The following CADM2 variants were observed in gnomAD, a reference collection of about 807,000 sequenced individuals.
CADM2 encodes the protein immunoglobulin superfamily member 4D.
Under a neutral mutation model 49.8 loss-of-function variants are expected in CADM2, and 12 were observed. That is an observed-to-expected ratio of 0.24 (90% confidence interval 0.15 to 0.39). The LOEUF is 0.39. Among genes scored for constraint, CADM2 ranks in the 10% least tolerant of loss-of-function variants. The pLI, the probability that CADM2 is intolerant of heterozygous loss-of-function variation, is 1.00. For synonymous variants in CADM2, 214 were observed against 175.4 expected (o/e 1.22, Z -1.74); for missense variants, 378 against 492.3 (o/e 0.77, Z 2.20).
chr3:85,984,412 G>GT (rs1190451347), intron 8 of CADM2, among the ~76,000 whole-genome samples: 1 of 151,182 alleles, frequency 6.6e-6, no homozygotes, highest in Non-Finnish European at 1.5e-5. Flanking sequence ...GTAATCTTTA[G>GT]TAGCATCCTC....
rs375702349 is a variant in CADM2, at chr3:84,984,356, T to TAAAAAAAA, written c.61+24710_61+24717dup. On this transcript the variant is annotated intron_variant, in intron 1 of 9. Transcript: ENST00000383699. ...CCTCATAGCCACCTCAAGATTAAGC[T>TAAAAAAAA]AAAAAAAAAAAAAAAAAAAAAAAAA... Among the ~76,000 whole-genome samples the TAAAAAAAA allele has an allele frequency of 1.2e-3, 82 of 67,056 alleles. 7 individuals are homozygous for TAAAAAAAA. The highest frequency in any genetic ancestry group is 4.7e-3 in the African/African-American group (62 of 13,326). 44.0% of individuals were successfully genotyped at this position (67,056 alleles called of 152,430 possible). A position where few individuals can be genotyped will look rare whatever the true frequency, so the allele number is the denominator to read the frequency against.
chr3:84,996,582 A>T, intron 1 of CADM2, among the ~76,000 whole-genome samples: 1 of 152,256 alleles, frequency 6.6e-6, no homozygotes, highest in East Asian at 1.9e-4. Context: ...GATAAAAAAT[A>T]TTATGAAATT....
rs1212982753 is a variant in CADM2, at chr3:86,068,671, T to C, written c.*1888T>C. 2.0e-5 allele frequency: 3 copies of C among 152,498 alleles called. No individual in the cohort carries two copies. The highest frequency in any genetic ancestry group is 7.2e-5 in the African/African-American group (3 of 41,556). The allele number at this position is 152,498 out of a possible 1,614,324, so 9.4% of individuals were successfully genotyped here. On this transcript the variant is annotated 3_prime_UTR_variant, in exon 10 of 10. Transcript: ENST00000383699. The stretch of plus-strand genomic sequence containing the variant: ...TTTGATTGTTGAAGCATTTATCTTG[T>C]TGATTTCTTACAAAAGAAAAAGGAC...
intron 1 of CADM2, among the ~76,000 whole-genome samples, chr3:85,003,491 G>T (rs988309632): frequency 2.6e-5 from 4 of 152,110 alleles, no homozygotes; most frequent in African/African-American, 9.7e-5. Flanking sequence ...GAAAGATAGG[G>T]ATCAAACAGC....
chr3:85,403,589 ATCTGG>A (rs2035224809), intron 1 of CADM2, among the ~76,000 whole-genome samples: 2 of 152,142 alleles, frequency 1.3e-5, no homozygotes, highest in Non-Finnish European at 2.9e-5. Context: ...AATAAGGCAG[ATCTGG>A]TCTTCACCAC....
At chr3:85,571,685 A>G (rs1384218909) in intron 1 of CADM2, among the ~76,000 whole-genome samples, 1 of 152,118 alleles carries the variant, frequency 6.6e-6, no homozygotes, top group Non-Finnish European at 1.5e-5. Context: ...TCAAATTGCT[A>G]TGTTGTTTCT....
chr3:85,708,981 A>G (rs1577133790), intron 1 of CADM2, among the ~76,000 whole-genome samples: 1 of 152,154 alleles, frequency 6.6e-6, no homozygotes, highest in East Asian at 1.9e-4. Context: ...GCCTGATACA[A>G]TGATTAATTT....
chr3:85,211,181 C>T (rs1304562409), intron 1 of CADM2, among the ~76,000 whole-genome samples: 1 of 152,116 alleles, frequency 6.6e-6, no homozygotes, highest in Non-Finnish European at 1.5e-5. Context: ...TTTTCTCTCT[C>T]TCTCTCTCTT....
At chr3:85,123,869 A>G (rs2038943478) in intron 1 of CADM2, among the ~76,000 whole-genome samples, 1 of 152,190 alleles carries the variant, frequency 6.6e-6, no homozygotes, top group African/African-American at 2.4e-5. Context: ...GCACAAGACA[A>G]ATTTTAACAG....
At chr3:85,110,961 C>T (rs1004250352) in intron 1 of CADM2, among the ~76,000 whole-genome samples, 10 of 151,898 alleles carry the variant, frequency 6.6e-5, no homozygotes, top group Non-Finnish European at 1.3e-4. Flanking sequence ...TTTTTGGAAG[C>T]TTTTGTTTAT....
intron 1 of CADM2, among the ~76,000 whole-genome samples, chr3:85,061,237 A>G (rs79518349): frequency 6.6e-6 from 1 of 152,270 alleles, no homozygotes; most frequent in African/African-American, 2.4e-5. Flanking sequence ...TACCCTTGTC[A>G]ATAAAAACAT....
chr3:85,222,688 A>G (rs1015305958), intron 1 of CADM2, among the ~76,000 whole-genome samples: 1 of 152,178 alleles, frequency 6.6e-6, no homozygotes, highest in Admixed American at 6.5e-5. Flanking sequence ...ATTGGAGATA[A>G]CACCTAACTC....
intron 7 of CADM2, among the ~76,000 whole-genome samples, chr3:85,951,492 A>T (rs1723415709): frequency 6.6e-6 from 1 of 151,088 alleles, no homozygotes; most frequent in Admixed American, 6.6e-5. Context: ...AATTTAACAA[A>T]TGAGGGTACT....
At chr3:85,141,226 A>G (rs2039567154) in intron 1 of CADM2, among the ~76,000 whole-genome samples, 1 of 152,190 alleles carries the variant, frequency 6.6e-6, no homozygotes, top group Admixed American at 6.6e-5. Context: ...ACCTGGGTTT[A>G]AATCTTAGTT....
chr3:85,999,665 GAAAGAAAGAA>G (rs913872694), intron 8 of CADM2, among the ~76,000 whole-genome samples: 27 of 151,434 alleles, frequency 1.8e-4, no homozygotes, highest in South Asian at 8.3e-4. Context: ...AAAAAAGAAA[GAAAGAAAGAA>G]AAAGAAAGAA....
At chr3:85,106,622 A>C (rs2107557946) in intron 1 of CADM2, among the ~76,000 whole-genome samples, 1 of 152,306 alleles carries the variant, frequency 6.6e-6, no homozygotes, top group South Asian at 2.1e-4. Flanking sequence ...TGTAAAATAT[A>C]TCCATCTAAA....
intron 2 of CADM2, among the ~76,000 whole-genome samples, chr3:85,776,914 T>G (rs906715021): frequency 6.6e-6 from 1 of 152,124 alleles, no homozygotes; most frequent in Non-Finnish European, 1.5e-5. Flanking sequence ...CTGACACGCC[T>G]GAAAGTTCTG....
intron 1 of CADM2, among the ~76,000 whole-genome samples, chr3:85,144,253 A>ACACACACACGCACACACACC (rs1260495639): frequency 7.0e-6 from 1 of 142,396 alleles, no homozygotes; most frequent in East Asian, 2.1e-4. Flanking sequence ...ACGCACACAC[A>ACACACACACGCACACACACC]CACACACACA....
chr3:86,004,038 C>T (rs1432650929), intron 8 of CADM2, among the ~76,000 whole-genome samples: 1 of 151,920 alleles, frequency 6.6e-6, no homozygotes, highest in African/African-American at 2.4e-5. Context: ...GGATCCTTTG[C>T]TCTATTAAGA....
Sources: allele counts gnomAD v4.1 joint callset (sites outside exome capture counted in the v4.1 genomes callset), GRCh38; gene constraint gnomAD v4.1.1; transcripts MANE v1.5; gene names NCBI Gene and HGNC (gene_info 2026-07-23, HGNC 2026-07-21).